CCDC6: variants seen among roughly 807,000 people sequenced by gnomAD.
CCDC6 encodes the protein coiled-coil domain containing 6.
CCDC6 carries 20 observed loss-of-function variants against 56.6 expected under a neutral mutation model. The observed-to-expected ratio is 0.35, with a 90% CI of 0.25 to 0.51. The LOEUF (loss-of-function observed/expected upper bound fraction) is 0.51, where lower values mean the gene tolerates loss of function less well. CCDC6 is among the 20% of genes least tolerant of loss of function. The pLI, the probability that CCDC6 is intolerant of heterozygous loss-of-function variation, is 0.95. For missense variants in CCDC6, 367 were observed against 601.1 expected (o/e 0.61, Z 4.07); for synonymous variants, 241 against 234.4 (o/e 1.03, Z -0.26).
At chr10:59,848,184 C>A (rs1304433947) in intron 2 of CCDC6, among the ~76,000 whole-genome samples, 1 of 152,132 alleles carries the variant, frequency 6.6e-6, no homozygotes, top group Non-Finnish European at 1.5e-5. Flanking sequence ...CCACCTATGA[C>A]CCTAAACTGG....
At chr10:59,896,036 G>GC (rs1036504452) in intron 1 of CCDC6, among the ~76,000 whole-genome samples, 3 of 152,152 alleles carry the variant, frequency 2.0e-5, no homozygotes, top group African/African-American at 7.2e-5. Context: ...GTAATGTTGT[G>GC]CACACTCCAC....
rs543222590 is a variant in CCDC6, at chr10:59,888,204, C to T, written c.303+17918G>A. ...GAGTGGCTTCACACATAGCACCGCA[C>T]CAGACTTTCTGGAAGCCATAGATGC... On this transcript the variant is annotated intron_variant, in intron 1 of 8. Transcript: ENST00000263102. Among the ~76,000 whole-genome samples, 6 of 152,344 alleles carry T rather than the reference C, an allele frequency of 3.9e-5. No individual in the cohort carries two copies. In the South Asian group the frequency reaches 1.0e-3, roughly 26 times the overall value.
At chr10:59,844,564 A>T (rs1440074807) in intron 2 of CCDC6, among the ~76,000 whole-genome samples, 3 of 151,552 alleles carry the variant, frequency 2.0e-5, no homozygotes, top group South Asian at 2.1e-4. Flanking sequence ...GGCCTGGCCA[A>T]CATGGTAAAA....
chr10:59,842,298 C>T (rs752121945), intron 2 of CCDC6, among the ~76,000 whole-genome samples: 6 of 152,040 alleles, frequency 3.9e-5, no homozygotes, highest in East Asian at 1.9e-4. Flanking sequence ...CTGCCCATCT[C>T]GGCCTCCCAA....
In CCDC6 at chr10:59,872,779, T is replaced by TTGG. The variant is rs879391093; in HGVS notation, c.304-20078_304-20077insCCA. On this transcript the variant is annotated intron_variant, in intron 1 of 8. Coordinates refer to ENST00000263102, the MANE Select transcript of CCDC6 (RefSeq NM_005436.5). ...CAGTCAAAGAGGATAACTTTCCAGA[T>TTGG]GGGGGGGTGGGGGAAGGTAACAACA... is the stretch of plus-strand genomic sequence containing the variant. Among the ~76,000 whole-genome samples the TTGG allele has an allele frequency of 8.4e-4, 48 of 57,092 alleles. 1 individual carries two copies. Among genetic ancestry groups the TTGG allele is most frequent in the East Asian group, 3.4e-3 (4 of 1,194 alleles). The allele number at this position is 57,092 out of a possible 152,430, so 37.5% of individuals were successfully genotyped here.
chr10:59,792,592 C>T lies in CCDC6; in HGVS notation c.*325G>A. On this transcript the variant is annotated 3_prime_UTR_variant, in exon 9 of 9. Coordinates refer to ENST00000263102, the MANE Select transcript of CCDC6 (RefSeq NM_005436.5). ...CTTTTTCTTTTACAAACCTAAAAGC[C>T]AGGAGAATGAAGCTCTGGGCCAAGC... is the stretch of plus-strand genomic sequence containing the variant. 1 of 656,250 alleles carries T rather than the reference C, an allele frequency of 1.5e-6. No homozygotes were observed. The highest frequency in any genetic ancestry group is 1.4e-5 in the South Asian group (1 of 71,760). The allele number at this position is 656,250 out of a possible 1,614,324, so 40.7% of individuals were successfully genotyped here.
chr10:59,797,051 A>G (rs1210918503), intron 7 of CCDC6, among the ~76,000 whole-genome samples: 1 of 152,138 alleles, frequency 6.6e-6, no homozygotes, highest in East Asian at 1.9e-4. Context: ...ATATATATAG[A>G]CATATAAAGG....
At chr10:59,794,675 C>A (rs759880044) in intron 7 of CCDC6, 78 bp from the exon 8 acceptor site, 9 of 1,272,568 alleles carry the variant, frequency 7.1e-6, no homozygotes, top group East Asian at 2.4e-5. Flanking sequence ...GGTTTTAAAT[C>A]GCAGTAGTTC....
chr10:59,819,101 G>C (rs2132635583), intron 3 of CCDC6, among the ~76,000 whole-genome samples: 1 of 152,198 alleles, frequency 6.6e-6, no homozygotes, highest in South Asian at 2.1e-4. Flanking sequence ...GAAGTATGTT[G>C]GGTCTTTATT....
intron 1 of CCDC6, among the ~76,000 whole-genome samples, chr10:59,893,845 G>T (rs1166038706): frequency 6.6e-6 from 1 of 152,080 alleles, no homozygotes; most frequent in Non-Finnish European, 1.5e-5. Flanking sequence ...CAAATGGTAG[G>T]GTCTTTACAT....
At chr10:59,884,595 T>A (rs926993252) in intron 1 of CCDC6, among the ~76,000 whole-genome samples, 2 of 151,892 alleles carry the variant, frequency 1.3e-5, no homozygotes, top group African/African-American at 2.4e-5. Flanking sequence ...TTGAAAAGAA[T>A]GGGGCAATTC....
chr10:59,895,505 T>C (rs532771192), intron 1 of CCDC6, among the ~76,000 whole-genome samples: 20 of 152,180 alleles, frequency 1.3e-4, no homozygotes, highest in Non-Finnish European at 2.4e-4. Context: ...ACTGATCGTA[T>C]AGGACTGTGG....
chr10:59,830,626 G>A (rs1167665799), intron 3 of CCDC6, among the ~76,000 whole-genome samples: 1 of 152,118 alleles, frequency 6.6e-6, no homozygotes, highest in Non-Finnish European at 1.5e-5. Flanking sequence ...TACCATCGAG[G>A]ACTGAAATAA....
intron 1 of CCDC6, among the ~76,000 whole-genome samples, chr10:59,862,564 T>G (rs61848708): frequency 9.1e-6 from 1 of 109,384 alleles, no homozygotes; most frequent in Non-Finnish European, 1.7e-5. Context: ...CACATATATA[T>G]ACACATACAC....
intron 1 of CCDC6, among the ~76,000 whole-genome samples, chr10:59,887,290 G>A (rs530566117): frequency 7.2e-5 from 11 of 152,114 alleles, no homozygotes; most frequent in Admixed American, 4.6e-4. Context: ...TCACAAGACT[G>A]ATGTAATGAT....
intron 1 of CCDC6, among the ~76,000 whole-genome samples, chr10:59,885,593 C>G (rs2071375544): frequency 6.6e-6 from 1 of 152,148 alleles, no homozygotes; most frequent in Admixed American, 6.5e-5. Flanking sequence ...CAGCTTCAGG[C>G]CACATCCCGA....
intron 7 of CCDC6, among the ~76,000 whole-genome samples, chr10:59,797,118 G>C (rs190840006): frequency 6.6e-6 from 1 of 152,058 alleles, no homozygotes; most frequent in East Asian, 1.9e-4. Flanking sequence ...TATTAACCTC[G>C]AGAATATTAT....
intron 1 of CCDC6, among the ~76,000 whole-genome samples, chr10:59,902,804 T>C (rs2071514320): frequency 6.6e-6 from 1 of 152,204 alleles, no homozygotes; most frequent in African/African-American, 2.4e-5. Flanking sequence ...ACTCTTACCA[T>C]ATAATTCAGC....
chr10:59,841,947 T>C (rs745730824), intron 2 of CCDC6, among the ~76,000 whole-genome samples: 144 of 152,076 alleles, frequency 9.5e-4, no homozygotes, highest in Admixed American at 9.8e-4. Context: ...ATTACAGGTG[T>C]GAGCCACCGC....
Sources: allele counts gnomAD v4.1 joint callset (sites outside exome capture counted in the v4.1 genomes callset), GRCh38; gene constraint gnomAD v4.1.1; transcripts MANE v1.5; gene names NCBI Gene and HGNC (gene_info 2026-07-23, HGNC 2026-07-21).